The following RRP36 variants were observed in gnomAD, a reference collection of about 807,000 sequenced individuals.
RRP36 encodes ribosomal RNA processing 36, also known as ribosomal RNA processing protein 36 homolog.
RRP36 carries 44 observed loss-of-function variants against 39.8 expected under a neutral mutation model. The ratio of observed to expected loss-of-function variants is 1.10; its 90% CI spans 0.87 to 1.42. RRP36 has a LOEUF of 1.42. RRP36 is among the 40% of genes most tolerant of loss of function. The pLI, the probability that RRP36 is intolerant of heterozygous loss-of-function variation, is 0.00. For synonymous variants in RRP36, 124 were observed against 123.1 expected, an observed-to-expected ratio of 1.01 and a Z score of -0.05; for missense variants, 316 against 322.4, an observed-to-expected ratio of 0.98 and a Z score of 0.15.
intron 1 of RRP36, among the ~76,000 whole-genome samples, chr6:43,023,653 C>A (rs760083878): frequency 3.3e-5 from 5 of 152,014 alleles, no homozygotes; most frequent in Non-Finnish European, 2.9e-5. Flanking sequence ...GATCGCGCCA[C>A]TGCACTCCAG....
intron 2 of RRP36, 55 bp downstream of exon 2, chr6:43,025,187 G>A: frequency 6.2e-7 from 1 of 1,612,638 alleles, no homozygotes; most frequent in Non-Finnish European, 8.5e-7. Flanking sequence ...GAATAGGTAT[G>A]TTGTCTTGGG....
intron 4 of RRP36, among the ~76,000 whole-genome samples, chr6:43,026,933 G>A (rs1413521372): frequency 6.6e-6 from 1 of 151,646 alleles, no homozygotes; most frequent in Non-Finnish European, 1.5e-5. Flanking sequence ...GGGCGTGGTG[G>A]CACGTGCCTG....
rs376655454 is a variant in RRP36, at chr6:43,029,218, G to A, written c.770G>A (p.Ser257Asn). 51 of 1,614,094 alleles carry A rather than the reference G, an allele frequency of 3.2e-5. No homozygotes were observed. Among genetic ancestry groups the A allele is most frequent in the Non-Finnish European group, 4.0e-5 (47 of 1,180,050 alleles). Residue 257 changes from serine (S) to asparagine (N), a missense_variant, in exon 7 of 7, where the codon AGC becomes AAC. By Grantham distance (46) the Ser-to-Asn change is conservative (BLOSUM62 1). Coordinates refer to ENST00000244496, the MANE Select transcript of RRP36 (RefSeq NM_033112.4). ...AAGGACAGGAGACATCTCCCTTTGA[G>A]CAAAGAGTAATAAGGAACTATCCTC... is the stretch of plus-strand genomic sequence containing the variant. ...AGKDRRHLPL[S>N]KE
chr6:43,026,481 T>C (rs1237353939), intron 4 of RRP36, among the ~76,000 whole-genome samples: 1 of 151,986 alleles, frequency 6.6e-6, no homozygotes, highest in African/African-American at 2.4e-5. Flanking sequence ...AAGACCAGCC[T>C]GGCCAACATG....
chr6:43,027,283 A>G (rs749669324), intron 5 of RRP36, 31 bp downstream of exon 5: 3 of 1,613,024 alleles, frequency 1.9e-6, no homozygotes, highest in Middle Eastern at 1.6e-4. Flanking sequence ...GTGGGTAATG[A>G]AAGCAATTAA....
At position 43,026,045 on chromosome 6, in the gene RRP36, G is replaced by A; in HGVS notation, c.354G>A (p.Arg118=). 1.2e-6 allele frequency: 2 copies of A among 1,612,224 alleles called. No homozygotes were observed. The highest frequency in any genetic ancestry group is 2.2e-5 in the East Asian group (1 of 44,858). ...CTCTCTTCTCTCCAAAGGTAGCCCG[G>A]GACCCTCGCTTTGATGATCTGTCAG... The part of the protein sequence containing the change: ...QVVPISKKVA[R]DPRFDDLSGE... Residue 118 remains arginine (R), a synonymous_variant, in exon 4 of 7, where the codon CGG becomes CGA. Transcript: ENST00000244496.
chr6:43,028,984 T>C (rs1297165638), intron 6 of RRP36, 108 bp from the exon 7 acceptor site: 1 of 1,439,698 alleles, frequency 6.9e-7, no homozygotes, highest in African/African-American at 1.4e-5. Flanking sequence ...CAGTGAGCTT[T>C]AAAGAACTCA....
chr6:43,026,154 A>G lies in RRP36; in HGVS notation c.450+13A>G. On this transcript the variant is annotated intron_variant, in intron 4 of 6. Coordinates refer to ENST00000244496, the MANE Select transcript of RRP36 (RefSeq NM_033112.4). ...GAAAGAGAAAGAGGTATACAGCTTG[A>G]GACTGGTTTATGGGGAATTTTGTGG... 3.8e-6 allele frequency: 6 copies of G among 1,596,678 alleles called. No individual in the cohort carries two copies. The highest frequency in any genetic ancestry group is 5.2e-6 in the Non-Finnish European group (6 of 1,164,850).
chr6:43,022,550 ACTGCAGGCGCGTCACCACGC>A (rs1304829709), intron 1 of RRP36, among the ~76,000 whole-genome samples: 1 of 150,496 alleles, frequency 6.6e-6, no homozygotes, highest in Non-Finnish European at 1.5e-5. Context: ...AGTAGCTGGG[ACTGCAGGCGCGTCACCACGC>A]CTGCACGGAT....
rs764938991 is a variant in RRP36 at position 43,027,342 on chromosome 6, C to T, written c.526-18C>T. 14 of 1,613,568 alleles carry T rather than the reference C, an allele frequency of 8.7e-6. No homozygotes were observed. The highest frequency in any genetic ancestry group is 2.2e-5 in the South Asian group (2 of 91,076). On this transcript the variant is annotated intron_variant, in intron 5 of 6. Coordinates refer to ENST00000244496, the MANE Select transcript of RRP36 (RefSeq NM_033112.4). The stretch of plus-strand genomic sequence containing the variant: ...GAACAGATCCCTCCCGTTCACCCAT[C>T]TCATCTTTGCTCCTCAGGAGCAGCA...
chr6:43,023,765 A>G (rs1762767273), intron 1 of RRP36, among the ~76,000 whole-genome samples: 1 of 152,174 alleles, frequency 6.6e-6, no homozygotes, highest in African/African-American at 2.4e-5. Flanking sequence ...ATTGTAGACT[A>G]GAGAACTGGA....
intron 3 of RRP36, 83 bp from the exon 4 acceptor site, chr6:43,025,954 A>G (rs981154784): frequency 3.0e-6 from 3 of 1,008,158 alleles, no homozygotes; most frequent in African/African-American, 3.2e-5. Flanking sequence ...AAAAAGAAAG[A>G]TGAGGAAGAG....
chr6:43,027,759 C>T (rs1762841875), intron 6 of RRP36, among the ~76,000 whole-genome samples: 2 of 83,088 alleles, frequency 2.4e-5, no homozygotes, highest in African/African-American at 1.5e-4. Context: ...TCTTGGTCTA[C>T]ACTACACACA....
chr6:43,028,895 G>A (rs1762864740), intron 6 of RRP36, among the ~76,000 whole-genome samples, 197 bp from the exon 7 acceptor site: 1 of 152,236 alleles, frequency 6.6e-6, no homozygotes, highest in Non-Finnish European at 1.5e-5. Context: ...GGAGGTTGCA[G>A]TGAGCCGAGA....
At position 43,027,232 on chromosome 6, in the gene RRP36, C is replaced by T. The variant is rs771864584; in HGVS notation, c.505C>T (p.Gln169Ter). ...TTCAGGAGAGGAGCATGAGAAACTG[C>T]AGCAACTGCTTCAGCGAATGGTGAG... ...HLSGEEHEKL[Q>*]QLLQRMEQQE... The change falls in exon 5 of 7, where the codon CAG (glutamine) becomes TAG (stop). Residue 169 changes from glutamine (Q) to a stop codon, truncating the protein, a stop_gained. Transcript: ENST00000244496. LOFTEE classifies it high-confidence loss of function. 8.7e-6 allele frequency: 14 copies of T among 1,614,038 alleles called. No homozygotes were observed. In the East Asian group the frequency reaches 1.6e-4, roughly 18 times the overall value.
In RRP36 at chr6:43,029,344, A is replaced by C; in HGVS notation, c.*116A>C. 257 of 1,218,052 alleles carry C rather than the reference A, an allele frequency of 2.1e-4. No homozygotes were observed. Among genetic ancestry groups the C allele is most frequent in the Non-Finnish European group, 2.7e-4 (235 of 859,282 alleles). The allele number at this position is 1,218,052 out of a possible 1,614,324, so 75.5% of individuals were successfully genotyped here. A position where few individuals can be genotyped will look rare whatever the true frequency, so the allele number is the denominator to read the frequency against. On this transcript the variant is annotated 3_prime_UTR_variant, in exon 7 of 7. Transcript: ENST00000244496. Reference sequence around the variant, plus strand: ...AGGATCACAGCTGCCCTTGAATCTCATTGCCTCAGAGAAGACTAGAGGGCT... The same window carrying C: ...AGGATCACAGCTGCCCTTGAATCTCCTTGCCTCAGAGAAGACTAGAGGGCT...
rs147649290 is a variant in RRP36 at position 43,028,259 on chromosome 6, G to A, written c.643+782G>A. On this transcript the variant is annotated intron_variant, in intron 6 of 6. Transcript: ENST00000244496. ...GCAGGAGGATCACTTGAGCCCGGGA[G>A]GTGGAGGTTGCAGAAAGCCTAGATT... Among the ~76,000 whole-genome samples, 1,380 of 152,210 alleles carry A rather than the reference G, an allele frequency of 9.1e-3. 27 individuals are homozygous for A. The highest frequency in any genetic ancestry group is 0.032 in the African/African-American group (1,312 of 41,508).
intron 1 of RRP36, 90 bp downstream of exon 1, chr6:43,021,874 C>T: frequency 9.9e-7 from 1 of 1,013,646 alleles, no homozygotes; most frequent in Non-Finnish European, 1.3e-6. Context: ...GTAAGACTGC[C>T]AAGTTCTCTA....
intron 6 of RRP36, among the ~76,000 whole-genome samples, chr6:43,028,834 T>A (rs1762863140): frequency 6.6e-6 from 1 of 151,582 alleles, no homozygotes; most frequent in Admixed American, 6.6e-5. Context: ...GCGCCTGTAA[T>A]CCCAGCTACT....
Sources: gnomAD v4.1 joint callset for allele counts (sites outside exome capture counted in the v4.1 genomes callset) on GRCh38, gnomAD v4.1.1 for gene constraint, MANE v1.5 for transcripts, NCBI Gene and HGNC (gene_info 2026-07-23, HGNC 2026-07-21) for gene names.